The following SHROOM3 variants were observed in gnomAD, a reference collection of about 807,000 sequenced individuals.
SHROOM3 encodes shroom family member 3, also known as protein Shroom3.
In SHROOM3, 47 loss-of-function variants were observed where a neutral mutation model predicts 138.6. That is an observed-to-expected ratio of 0.34 (90% CI 0.27 to 0.43). The LOEUF is 0.43. Among genes scored for constraint, SHROOM3 ranks in the 20% least tolerant of loss-of-function variants. SHROOM3 has a pLI of 1.00. For synonymous variants in SHROOM3, 1,062 were observed against 1,063.3 expected, an observed-to-expected ratio of 1.00 and a Z score of 0.02; for missense variants, 2,491 against 2,596.5, an observed-to-expected ratio of 0.96 and a Z score of 0.88.
chr4:76,632,337 C>T (rs1560572507), intron 2 of SHROOM3, among the ~76,000 whole-genome samples: 2 of 152,120 alleles, frequency 1.3e-5, no homozygotes, highest in East Asian at 3.9e-4. Context: ...AGCCCTGGGA[C>T]ATATCAACCT....
intron 2 of SHROOM3, among the ~76,000 whole-genome samples, chr4:76,630,457 G>C (rs1398470750): frequency 6.6e-6 from 1 of 152,016 alleles, no homozygotes; most frequent in African/African-American, 2.4e-5. Context: ...AACTTTGGTG[G>C]CACTTGCATC....
intron 9 of SHROOM3, among the ~76,000 whole-genome samples, chr4:76,764,773 T>G (rs565514084): frequency 6.6e-6 from 1 of 152,362 alleles, no homozygotes. Flanking sequence ...GGCCACTCTC[T>G]TTCGTCTTTA....
chr4:76,676,050 T>C (rs988379131), intron 2 of SHROOM3, among the ~76,000 whole-genome samples: 2 of 152,150 alleles, frequency 1.3e-5, no homozygotes, highest in Admixed American at 6.5e-5. Flanking sequence ...GGTCAATAAA[T>C]GGAAGTTGTT....
intron 2 of SHROOM3, among the ~76,000 whole-genome samples, chr4:76,646,094 T>C (rs748560118): frequency 2.0e-5 from 3 of 151,706 alleles, no homozygotes; most frequent in Non-Finnish European, 2.9e-5. Flanking sequence ...GGGGAAGGGA[T>C]AGCATTAGGA....
intron 2 of SHROOM3, chr4:76,629,094 C>T (rs960627990): frequency 1.3e-5 from 2 of 152,218 alleles, no homozygotes; most frequent in Admixed American, 6.5e-5. Flanking sequence ...GATCTGCCCA[C>T]CTTGGCCTCC....
At chr4:76,477,265 G>A (rs151183408) in intron 1 of SHROOM3, among the ~76,000 whole-genome samples, 554 of 152,220 alleles carry the variant, frequency 3.6e-3, no homozygotes, top group African/African-American at 0.012. Flanking sequence ...CACCACACCC[G>A]GCCTATCTTA....
At chr4:76,621,811 C>G (rs1735012502) in intron 2 of SHROOM3, among the ~76,000 whole-genome samples, 1 of 150,830 alleles carries the variant, frequency 6.6e-6, no homozygotes, top group South Asian at 2.1e-4. Context: ...TTCTTTAGGT[C>G]TGAGACAGTT....
intron 1 of SHROOM3, 41 bp from the exon 2 acceptor site, chr4:76,555,568 G>C: frequency 6.2e-7 from 1 of 1,611,344 alleles, no homozygotes; most frequent in Non-Finnish European, 8.5e-7. Context: ...CAGGCCAGGG[G>C]AAAGCTCACT....
At chr4:76,468,924 C>T (rs1416807177) in intron 1 of SHROOM3, among the ~76,000 whole-genome samples, 1 of 151,824 alleles carries the variant, frequency 6.6e-6, no homozygotes, top group Non-Finnish European at 1.5e-5. Context: ...GTCCCAGCTA[C>T]TCGGGAGGCT....
chr4:76,626,245 T>C (rs1735140291), intron 2 of SHROOM3, among the ~76,000 whole-genome samples: 1 of 152,182 alleles, frequency 6.6e-6, no homozygotes, highest in African/African-American at 2.4e-5. Context: ...GTAGAAATGA[T>C]AGTGGGATTT....
intron 2 of SHROOM3, among the ~76,000 whole-genome samples, chr4:76,571,941 T>C (rs545760138): frequency 2.9e-4 from 44 of 152,246 alleles, no homozygotes; most frequent in African/African-American, 9.9e-4. Flanking sequence ...TTGAGATTTG[T>C]CTTTGTGCTC....
At chr4:76,761,274 T>G (rs1292345788) in intron 9 of SHROOM3, among the ~76,000 whole-genome samples, 1 of 152,168 alleles carries the variant, frequency 6.6e-6, no homozygotes, top group African/African-American at 2.4e-5. Context: ...CACTTTCAAT[T>G]ATCACCCTCT....
chr4:76,471,629 G>A (rs1731375314), intron 1 of SHROOM3, among the ~76,000 whole-genome samples: 1 of 152,102 alleles, frequency 6.6e-6, no homozygotes, highest in Non-Finnish European at 1.5e-5. Flanking sequence ...AAAGTGGGAG[G>A]GAGTCCTACC....
Position 76,667,966 on chromosome 4 carries a change from C to CAAAA in SHROOM3, c.324-42167_324-42164dup, listed in dbSNP as rs747974205. Among the ~76,000 whole-genome samples, 171 of 62,542 alleles carry CAAAA rather than the reference C, an allele frequency of 2.7e-3. 10 individuals are homozygous for CAAAA. Among genetic ancestry groups the CAAAA allele is most frequent in the African/African-American group, 7.1e-3 (110 of 15,458 alleles). The allele number at this position is 62,542 out of a possible 152,430, so 41.0% of individuals were successfully genotyped here. A position where few individuals can be genotyped will look rare whatever the true frequency, so the allele number is the denominator to read the frequency against. ...TGGGCGACAGAAGGAGACTCCCTCT[C>CAAAA]AAAAAAAAAAAAAAAAAAAAAAAAA... On this transcript the variant is annotated intron_variant, in intron 2 of 10. Transcript: ENST00000296043.
chr4:76,610,569 C>T (rs1734740016), intron 2 of SHROOM3, among the ~76,000 whole-genome samples: 1 of 152,150 alleles, frequency 6.6e-6, no homozygotes, highest in Non-Finnish European at 1.5e-5. Flanking sequence ...TATATATTTC[C>T]TAAATATCCA....
chr4:76,764,934 T>A (rs1299001931), intron 9 of SHROOM3, among the ~76,000 whole-genome samples: 6 of 152,194 alleles, frequency 3.9e-5, no homozygotes, highest in Non-Finnish European at 7.3e-5. Context: ...AATGCATTAA[T>A]CTTCTCCCTC....
At chr4:76,579,253 G>A (rs1449908991) in intron 2 of SHROOM3, among the ~76,000 whole-genome samples, 1 of 152,104 alleles carries the variant, frequency 6.6e-6, no homozygotes, top group African/African-American at 2.4e-5. Flanking sequence ...CAGATCACGA[G>A]GTCAAGAAAT....
At chr4:76,528,015 A>G (rs891087811) in intron 1 of SHROOM3, among the ~76,000 whole-genome samples, 8 of 152,210 alleles carry the variant, frequency 5.3e-5, no homozygotes, top group African/African-American at 9.7e-5. Context: ...TCTTCTTAAA[A>G]AGTTATTCTA....
chr4:76,534,781 T>C (rs891148947), intron 1 of SHROOM3, among the ~76,000 whole-genome samples: 18 of 152,148 alleles, frequency 1.2e-4, no homozygotes, highest in Non-Finnish European at 2.5e-4. Context: ...TCCTGCACCT[T>C]TCCCAGAAGG....
Sources: gnomAD v4.1 joint callset for allele counts (sites outside exome capture counted in the v4.1 genomes callset) on GRCh38, gnomAD v4.1.1 for gene constraint, MANE v1.5 for transcripts, NCBI Gene and HGNC (gene_info 2026-07-23, HGNC 2026-07-21) for gene names.